Variants in ZNF567 observed in about 807,000 individuals in gnomAD.
The protein encoded by ZNF567 is zinc finger protein 567.
ZNF567 carries 36 observed loss-of-function variants against 53.9 expected under a neutral mutation model. The ratio of observed to expected loss-of-function variants is 0.67; its 90% CI spans 0.51 to 0.88. The LOEUF (loss-of-function observed/expected upper bound fraction) is 0.88. ZNF567 is among the 40% of genes least tolerant of loss of function. ZNF567 has a pLI of 0.00. For missense variants in ZNF567, 619 were observed against 764.7 expected, an observed-to-expected ratio of 0.81 and a Z score of 2.25; for synonymous variants, 224 against 260.4, an observed-to-expected ratio of 0.86 and a Z score of 1.35.
At chr19:36,709,342 A>T (rs957362348) in intron 3 of ZNF567, among the ~76,000 whole-genome samples, 2 of 152,198 alleles carry the variant, frequency 1.3e-5, no homozygotes, top group African/African-American at 2.4e-5. Context: ...ACATTCCCTG[A>T]CTGCTGCTTG....
intron 3 of ZNF567, among the ~76,000 whole-genome samples, chr19:36,698,869 G>A (rs1214163935): frequency 3.3e-5 from 5 of 152,074 alleles, no homozygotes; most frequent in Non-Finnish European, 7.3e-5. Context: ...CATTTTGTAG[G>A]TTGCCTGTTC....
chr19:36,690,506 C>T (rs1214913586), intron 2 of ZNF567, among the ~76,000 whole-genome samples: 3 of 152,142 alleles, frequency 2.0e-5, no homozygotes. Context: ...GGGAGGATCA[C>T]CTGAGCCCAG....
chr19:36,726,672 T>C (rs961160904), downstream of ZNF567, among the ~76,000 whole-genome samples: 2 of 152,228 alleles, frequency 1.3e-5, no homozygotes, highest in Non-Finnish European at 2.9e-5. Context: ...GGGATAGTAG[T>C]GAAGATCCTG....
chr19:36,719,647 C>A lies in ZNF567; in HGVS notation c.923C>A (p.Pro308His), dbSNP rs781418271. 2.5e-6 allele frequency: 4 copies of A among 1,613,940 alleles called. No individual in the cohort carries two copies. The highest frequency in any genetic ancestry group is 3.4e-6 in the Non-Finnish European group (4 of 1,179,882). The change falls in exon 6 of 6, where the codon CCC becomes CAC. Residue 308 changes from proline to histidine, a missense_variant. Transcript: ENST00000682579. The stretch of plus-strand genomic sequence containing the variant: ...CAGAGAACTCACACAGGAGAGAAAC[C>A]CTTTGTTTGCAATGAATGTGGTAAG... ...DHQRTHTGEKPFVCNECGKSF... is the reference protein window; with the variant it reads ...DHQRTHTGEKHFVCNECGKSF...
chr19:36,713,841 CG>C (rs1568709249), intron 5 of ZNF567, among the ~76,000 whole-genome samples: 1 of 149,572 alleles, frequency 6.7e-6, no homozygotes, highest in African/African-American at 2.5e-5. Context: ...AGGCTGAGGC[CG>C]GAGAATCGCT....
At chr19:36,688,414 C>T (rs1023961834) in intron 1 of ZNF567, among the ~76,000 whole-genome samples, 4 of 151,198 alleles carry the variant, frequency 2.6e-5, no homozygotes, top group Admixed American at 2.0e-4. Flanking sequence ...TTTATATATG[C>T]CTGTAGAATT....
At chr19:36,718,684 A>G (rs1482146907) in intron 5 of ZNF567, among the ~76,000 whole-genome samples, 1 of 152,062 alleles carries the variant, frequency 6.6e-6, no homozygotes, top group East Asian at 1.9e-4. Context: ...CCCTTCTACC[A>G]TTCTTTGACT....
chr19:36,696,066 C>G (rs564342344), intron 3 of ZNF567, among the ~76,000 whole-genome samples: 9 of 152,132 alleles, frequency 5.9e-5, no homozygotes, highest in Non-Finnish European at 1.3e-4. Flanking sequence ...TCCAATAACA[C>G]CTTCTTAGTA....
chr19:36,702,427 A>G (rs1305344308), intron 3 of ZNF567, among the ~76,000 whole-genome samples: 3 of 151,850 alleles, frequency 2.0e-5, no homozygotes, highest in Non-Finnish European at 2.9e-5. Flanking sequence ...CTCGAGGAGT[A>G]TCTTTGTGGC....
chr19:36,701,613 A>G (rs2145698107), intron 3 of ZNF567, among the ~76,000 whole-genome samples: 1 of 151,854 alleles, frequency 6.6e-6, no homozygotes, highest in South Asian at 2.1e-4. Flanking sequence ...GTGCTCCTGT[A>G]TTGGGTGCAT....
downstream of ZNF567, among the ~76,000 whole-genome samples, chr19:36,721,732 C>CTTTTTTTTTTTTTTTTTTTTTT (rs756276834): frequency 2.5e-5 from 3 of 121,672 alleles, no homozygotes; most frequent in Admixed American, 1.0e-4. Context: ...GTACCAGAGT[C>CTTTTTTTTTTTTTTTTTTTTTT]TTTTTTTTTT....
chr19:36,688,265 C>T (rs2038369470), intron 1 of ZNF567, among the ~76,000 whole-genome samples: 1 of 151,982 alleles, frequency 6.6e-6, no homozygotes, highest in South Asian at 2.1e-4. Flanking sequence ...ATGAATATGC[C>T]TAATTTTAAA....
Position 36,719,658 on chromosome 19 carries a change from A to T in ZNF567, c.934A>T (p.Asn312Tyr). ...THTGEKPFVC[N>Y]ECGKSFRLKT... ...CACAGGAGAGAAACCCTTTGTTTGC[A>T]ATGAATGTGGTAAGTCCTTCCGCCT... is the stretch of plus-strand genomic sequence containing the variant. Residue 312 changes from asparagine (N) to tyrosine (Y), a missense_variant, in exon 6 of 6, where the codon AAT (asparagine) becomes TAT (tyrosine). Asn to Tyr is a moderately radical substitution (Grantham distance 143, BLOSUM62 -2). Coordinates refer to ENST00000682579, the MANE Select transcript of ZNF567 (RefSeq NM_001322917.1). 6.2e-7 allele frequency: 1 copy of T among 1,613,970 alleles called. No homozygotes were observed. The highest frequency in any genetic ancestry group is 1.1e-5 in the South Asian group (1 of 91,072).
intron 5 of ZNF567, among the ~76,000 whole-genome samples, chr19:36,716,606 A>G (rs1217822297): frequency 6.6e-6 from 1 of 152,192 alleles, no homozygotes; most frequent in Non-Finnish European, 1.5e-5. Flanking sequence ...TCCCTTTTGA[A>G]CCTTCATTAC....
chr19:36,696,279 G>A (rs1453629804), intron 3 of ZNF567, among the ~76,000 whole-genome samples: 3 of 152,030 alleles, frequency 2.0e-5, no homozygotes, highest in Non-Finnish European at 4.4e-5. Flanking sequence ...CTTAAATACT[G>A]GTGTTCTCCA....
intron 2 of ZNF567, among the ~76,000 whole-genome samples, chr19:36,693,473 A>G (rs1600500195): frequency 1.3e-5 from 2 of 152,312 alleles, no homozygotes; most frequent in African/African-American, 4.8e-5. Context: ...TAAAATAAAA[A>G]TAAGACTTGA....
At chr19:36,690,554 G>A (rs1028066286) in intron 2 of ZNF567, among the ~76,000 whole-genome samples, 11 of 152,086 alleles carry the variant, frequency 7.2e-5, no homozygotes, top group Admixed American at 3.3e-4. Flanking sequence ...TCACACCACT[G>A]CACTCCAGCC....
intron 3 of ZNF567, among the ~76,000 whole-genome samples, chr19:36,697,777 A>G (rs1206775134): frequency 6.6e-6 from 1 of 151,822 alleles, no homozygotes; most frequent in East Asian, 1.9e-4. Context: ...ATGCTGGCCT[A>G]ATTTTTGTAT....
chr19:36,714,618 T>C (rs2039955376), intron 5 of ZNF567: 1 of 384,620 alleles, frequency 2.6e-6, no homozygotes, highest in Non-Finnish European at 4.6e-6. Flanking sequence ...ACTACAAATT[T>C]AGCTATTAAT....
Sources: allele counts gnomAD v4.1 joint callset (sites outside exome capture counted in the v4.1 genomes callset), GRCh38; gene constraint gnomAD v4.1.1; transcripts MANE v1.5; gene names NCBI Gene and HGNC (gene_info 2026-07-23, HGNC 2026-07-21).